RBM47: variants seen among roughly 807,000 people sequenced by gnomAD.
RBM47 encodes RNA binding motif protein 47, also known as RNA-binding protein 47.
RBM47 carries 21 observed loss-of-function variants against 47.1 expected under a neutral mutation model. The ratio of observed to expected loss-of-function variants is 0.45; its 90% confidence interval spans 0.32 to 0.64. RBM47 has a LOEUF of 0.64. Among genes scored for constraint, RBM47 ranks in the 30% least tolerant of loss-of-function variants. RBM47 has a pLI of 0.05. For synonymous variants in RBM47, 375 were observed against 361.7 expected, an observed-to-expected ratio of 1.04 and a Z score of -0.42; for missense variants, 708 against 870.9, an observed-to-expected ratio of 0.81 and a Z score of 2.35.
At chr4:40,457,251 C>G (rs1716415864) in intron 3 of RBM47, among the ~76,000 whole-genome samples, 1 of 151,200 alleles carries the variant, frequency 6.6e-6, no homozygotes, top group Admixed American at 6.6e-5. Context: ...GAAATCCCAT[C>G]TCTACTAAAA....
At chr4:40,464,099 G>C (rs1171495582) in intron 3 of RBM47, among the ~76,000 whole-genome samples, 5 of 152,082 alleles carry the variant, frequency 3.3e-5, no homozygotes, top group African/African-American at 1.2e-4. Flanking sequence ...ACAATGCAAT[G>C]AACATAATAG....
In RBM47 at chr4:40,582,713, G is replaced by A. The variant is rs113688073; in HGVS notation, c.-239-38207C>T. 9.7e-3 allele frequency among the ~76,000 whole-genome samples: 1,478 copies of A among 152,114 alleles called. 27 individuals are homozygous for A. The highest frequency in any genetic ancestry group is 0.034 in the African/African-American group (1,405 of 41,478). On this transcript the variant is annotated intron_variant, in intron 1 of 6. Transcript: ENST00000295971. ...TTCCTGAACACATTCTTCTGGCTCC[G>A]GGCTGTTTCATGTGTTGCACTGAGC... is the stretch of plus-strand genomic sequence containing the variant.
At chr4:40,509,840 G>A (rs1393232766) in intron 2 of RBM47, among the ~76,000 whole-genome samples, 11 of 151,014 alleles carry the variant, frequency 7.3e-5, no homozygotes, top group Non-Finnish European at 5.9e-5. Context: ...CGGAGATTGC[G>A]CCACTGCACT....
At chr4:40,475,239 C>T (rs6840694) in intron 2 of RBM47, among the ~76,000 whole-genome samples, 29,580 of 152,030 alleles carry the variant, frequency 0.19, 3,113 homozygotes, top group African/African-American at 0.25. Context: ...TATCATAAAG[C>T]TAATTCCATT....
chr4:40,585,671 C>A (rs1733505734), intron 1 of RBM47, among the ~76,000 whole-genome samples: 1 of 152,188 alleles, frequency 6.6e-6, no homozygotes, highest in African/African-American at 2.4e-5. Context: ...CGAACCCAAG[C>A]AGTCCCACAT....
chr4:40,614,215 A>T (rs1300830690), intron 1 of RBM47, among the ~76,000 whole-genome samples: 1 of 152,146 alleles, frequency 6.6e-6, no homozygotes, highest in Non-Finnish European at 1.5e-5. Context: ...TGCGACTTAA[A>T]GCCAAGTAAC....
At chr4:40,526,789 C>CTTTTT (rs540484622) in intron 2 of RBM47, among the ~76,000 whole-genome samples, 4 of 61,592 alleles carry the variant, frequency 6.5e-5, no homozygotes, top group Admixed American at 2.3e-4. Flanking sequence ...CAGTTTGGTT[C>CTTTTT]TTTTTTTTTT....
chr4:40,630,617 G>A (rs912887461), upstream of RBM47: 1 of 152,132 alleles, frequency 6.6e-6, no homozygotes, highest in Non-Finnish European at 1.5e-5. Context: ...AGTTACGGAG[G>A]GTTTCTAGAA....
chr4:40,439,229 G>A (rs940905561), intron 3 of RBM47, among the ~76,000 whole-genome samples: 2 of 151,940 alleles, frequency 1.3e-5, no homozygotes, highest in African/African-American at 4.8e-5. Context: ...CTCATTTTTG[G>A]TAAAAACCTC....
chr4:40,441,960 T>C (rs1378795453), intron 3 of RBM47, among the ~76,000 whole-genome samples: 2 of 152,258 alleles, frequency 1.3e-5, no homozygotes, highest in Non-Finnish European at 2.9e-5. Flanking sequence ...GTTTTTATTT[T>C]TACTTTGGCC....
chr4:40,629,987 T>C (rs1578099831), upstream of RBM47: 2 of 152,086 alleles, frequency 1.3e-5, no homozygotes, highest in African/African-American at 4.8e-5. Flanking sequence ...CCAAACCAGA[T>C]TTTTACTCCC....
chr4:40,498,106 C>CA (rs1440731045), intron 2 of RBM47, among the ~76,000 whole-genome samples: 1 of 127,098 alleles, frequency 7.9e-6, no homozygotes, highest in African/African-American at 2.8e-5. Flanking sequence ...AAAGCAGAGA[C>CA]AAATGTTGAG....
At position 40,438,765 on chromosome 4, in the gene RBM47, G is replaced by A; in HGVS notation, c.129C>T (p.Gly43=). ...AALLALMERT[G]YSMVQENGQR... ...GCCCGTTCTCTTGCACCATGCTGTA[G>A]CCCGTGCGCTCCATCAGCGCCAGCA... Residue 43 remains glycine, a synonymous_variant, in exon 4 of 7, where the codon GGC becomes GGT. Transcript: ENST00000295971. 1 of 1,578,562 alleles carries A rather than the reference G, an allele frequency of 6.3e-7. No individual in the cohort carries two copies. The highest frequency in any genetic ancestry group is 8.6e-7 in the Non-Finnish European group (1 of 1,166,632).
chr4:40,426,296 G>T, intron 6 of RBM47, 153 bp from the exon 7 acceptor site: 1 of 964,764 alleles, frequency 1.0e-6, no homozygotes, highest in Non-Finnish European at 1.5e-6. Context: ...ATTATTGTAA[G>T]CAAGTGGGAG....
chr4:40,540,650 A>AT (rs1560456171), intron 2 of RBM47, among the ~76,000 whole-genome samples: 17 of 110,338 alleles, frequency 1.5e-4, no homozygotes, highest in African/African-American at 2.4e-4. Context: ...AAAAAAAAAA[A>AT]AAATAATAAT....
chr4:40,457,122 T>A (rs1286328988), intron 3 of RBM47, among the ~76,000 whole-genome samples: 1 of 151,948 alleles, frequency 6.6e-6, no homozygotes, highest in Non-Finnish European at 1.5e-5. Context: ...TTTTAAAAAA[T>A]TTTAAAATTT....
chr4:40,545,666 A>AAAATAAATAAATAAAT (rs150331418), intron 1 of RBM47, among the ~76,000 whole-genome samples: 13,904 of 133,186 alleles, frequency 0.1, 940 homozygotes, highest in African/African-American at 0.16. Context: ...CTCCTTCTCA[A>AAAATAAATAAATAAAT]AAATAAATAA....
At chr4:40,438,966 C>A (rs1713203538) in intron 3 of RBM47, 42 bp from the exon 4 acceptor site, 2 of 1,435,786 alleles carry the variant, frequency 1.4e-6, no homozygotes, top group African/African-American at 2.9e-5. Context: ...ACCGCTGGAT[C>A]TTGCCTCTTT....
intron 2 of RBM47, among the ~76,000 whole-genome samples, chr4:40,472,902 T>G (rs891695669): frequency 2.6e-5 from 4 of 152,178 alleles, no homozygotes; most frequent in Admixed American, 2.6e-4. Context: ...AGATAGCATC[T>G]AAAAGAGTGC....
Sources: allele counts gnomAD v4.1 joint callset (sites outside exome capture counted in the v4.1 genomes callset), GRCh38; gene constraint gnomAD v4.1.1; transcripts MANE v1.5; gene names NCBI Gene and HGNC (gene_info 2026-07-23, HGNC 2026-07-21).